The following BCL9 variants were observed in gnomAD, a reference collection of about 807,000 sequenced individuals.
The protein encoded by BCL9 is BCL9 transcription coactivator, also known as B-cell CLL/lymphoma 9 protein.
In BCL9, 25 loss-of-function variants were observed where a neutral mutation model predicts 88.5. That is an observed-to-expected ratio of 0.28 (90% confidence interval 0.21 to 0.39). BCL9 has a LOEUF of 0.39. Among genes scored for constraint, BCL9 ranks in the 10% least tolerant of loss-of-function variants. BCL9 has a pLI of 1.00. For synonymous variants in BCL9, 711 were observed against 673.3 expected (o/e 1.06, Z -0.87); for missense variants, 1,817 against 1,877.8 (o/e 0.97, Z 0.60).
rs587679184 is a variant in BCL9 at position 147,557,800 on chromosome 1, G to C, written c.-478+16126G>C. 7.9e-5 allele frequency among the ~76,000 whole-genome samples: 12 copies of C among 152,304 alleles called. No individual in the cohort carries two copies. The South Asian group carries it at 2.3e-3, about 29-fold the overall frequency. Reference sequence around the variant, plus strand: ...CATTAATTTTCCACATTGGAAATCTGTAGGCTTCTTCCAATTATTAATTAT... The same window carrying C: ...CATTAATTTTCCACATTGGAAATCTCTAGGCTTCTTCCAATTATTAATTAT... On this transcript the variant is annotated intron_variant, in intron 1 of 9. Coordinates refer to ENST00000234739, the MANE Select transcript of BCL9 (RefSeq NM_004326.4).
intron 1 of BCL9, among the ~76,000 whole-genome samples, chr1:147,563,920 T>C (rs1464925939): frequency 1.3e-5 from 2 of 152,216 alleles, no homozygotes; most frequent in Non-Finnish European, 2.9e-5. Flanking sequence ...GTTGAGGAAA[T>C]TGAGACTCAG....
chr1:147,617,923 A>G (rs1315065853), intron 7 of BCL9, among the ~76,000 whole-genome samples: 4 of 152,104 alleles, frequency 2.6e-5, no homozygotes, highest in Non-Finnish European at 5.9e-5. Flanking sequence ...GAACATACAC[A>G]TCTCTCTTCC....
Position 147,622,428 on chromosome 1 carries a change from T to C in BCL9, c.3060T>C (p.Ser1020=). ...GAATGTCCAAGTTTGCAATGCCCAGTTCCACCCCGTTATACCATGATGCTA... is the reference window on the plus strand; with the variant it reads ...GAATGTCCAAGTTTGCAATGCCCAGCTCCACCCCGTTATACCATGATGCTA... The part of the protein sequence containing the change: ...MSRMSKFAMP[S]STPLYHDAIK... Residue 1020 remains serine (S), a synonymous_variant, in exon 9 of 10, where the codon AGT becomes AGC. Coordinates refer to ENST00000234739, the MANE Select transcript of BCL9 (RefSeq NM_004326.4). The C allele has an allele frequency of 6.2e-7, 1 of 1,614,172 alleles. No homozygotes were observed. Among genetic ancestry groups the C allele is most frequent in the Non-Finnish European group, 8.5e-7 (1 of 1,180,032 alleles).
intron 1 of BCL9, among the ~76,000 whole-genome samples, chr1:147,552,758 T>C (rs1654956434): frequency 6.6e-6 from 1 of 152,236 alleles, no homozygotes; most frequent in Admixed American, 6.5e-5. Flanking sequence ...CAGAGTTCTG[T>C]TGAAGGAATC....
At chr1:147,559,679 CA>C (rs1553195840) in intron 1 of BCL9, among the ~76,000 whole-genome samples, 2 of 152,102 alleles carry the variant, frequency 1.3e-5, no homozygotes, top group African/African-American at 4.8e-5. Context: ...CTTTTGACCC[CA>C]AGGAGCCAAA....
At position 147,545,872 on chromosome 1, in the gene BCL9, A is replaced by G. The variant is rs148721646; in HGVS notation, c.-478+4198A>G. On this transcript the variant is annotated intron_variant, in intron 1 of 9. Transcript: ENST00000234739. ...AACAGTATTGTTATCCTTCTGTTAT[A>G]TTTGAGTAAGGTTATGTGACTCACC... Among the ~76,000 whole-genome samples the G allele has an allele frequency of 2.5e-3, 381 of 152,242 alleles. 2 individuals carry two copies. The highest frequency in any genetic ancestry group is 8.4e-3 in the African/African-American group (348 of 41,506).
At chr1:147,546,065 G>C (rs587624489) in intron 1 of BCL9, among the ~76,000 whole-genome samples, 2 of 152,132 alleles carry the variant, frequency 1.3e-5, no homozygotes, top group East Asian at 1.9e-4. Context: ...GGCCAGGCAC[G>C]GTGGCTTAAT....
Position 147,625,876 on chromosome 1 carries a change from C to T in BCL9, c.*917C>T, listed in dbSNP as rs1339800715. The T allele has an allele frequency of 4.7e-5, 11 of 232,760 alleles. No individual in the cohort carries two copies. The highest frequency in any genetic ancestry group is 8.5e-5 in the Non-Finnish European group (10 of 117,560). 14.4% of individuals were successfully genotyped at this position (232,760 alleles called of 1,614,324 possible). ...GCAAAGCCTCGCCTTCCATGCCGAG[C>T]GTCCTCTTGGCTCTGAGAGGGAAAG... On this transcript the variant is annotated 3_prime_UTR_variant, in exon 10 of 10. Coordinates refer to ENST00000234739, the MANE Select transcript of BCL9 (RefSeq NM_004326.4).
At position 147,614,532 on chromosome 1, in the gene BCL9, G is replaced by A. The variant is rs1374062783; in HGVS notation, c.476G>A (p.Gly159Asp). 6.2e-7 allele frequency: 1 copy of A among 1,613,626 alleles called. No homozygotes were observed. Among genetic ancestry groups the A allele is most frequent in the African/African-American group, 1.3e-5 (1 of 74,760 alleles). ...CCCAGGTCTTCTACCCCCTCCCATG[G>A]CCAAACTACTGCCACAGAGCCCACA... ...TAPRSSTPSH[G>D]QTTATEPTPA... Residue 159 changes from glycine to aspartate, a missense_variant, in exon 6 of 10, where the codon GGC (glycine) becomes GAC (aspartate). Coordinates refer to ENST00000234739, the MANE Select transcript of BCL9 (RefSeq NM_004326.4).
At chr1:147,613,412 G>T (rs1553203091) in intron 5 of BCL9, among the ~76,000 whole-genome samples, 4 of 152,184 alleles carry the variant, frequency 2.6e-5, no homozygotes, top group African/African-American at 9.7e-5. Context: ...AGGAGTTCTT[G>T]CCCTTAAGGA....
intron 1 of BCL9, among the ~76,000 whole-genome samples, chr1:147,560,531 C>T (rs951176619): frequency 2.7e-5 from 4 of 150,904 alleles, no homozygotes; most frequent in Admixed American, 6.6e-5. Context: ...CGCTTGAACC[C>T]GAGAGGCGGA....
intron 1 of BCL9, among the ~76,000 whole-genome samples, chr1:147,573,385 G>A (rs922436713): frequency 6.6e-5 from 10 of 152,262 alleles, no homozygotes; most frequent in Middle Eastern, 3.4e-3. Context: ...CCCAGGAGGC[G>A]GAGGTTGCAG....
At chr1:147,549,151 A>G (rs1159621787) in intron 1 of BCL9, among the ~76,000 whole-genome samples, 1 of 151,562 alleles carries the variant, frequency 6.6e-6, no homozygotes, top group Non-Finnish European at 1.5e-5. Flanking sequence ...TAATTTTTGT[A>G]TATTTAGTAG....
At chr1:147,545,392 C>T (rs1210762979) in intron 1 of BCL9, among the ~76,000 whole-genome samples, 3 of 152,148 alleles carry the variant, frequency 2.0e-5, no homozygotes, top group Non-Finnish European at 4.4e-5. Flanking sequence ...TCTGAGTTGG[C>T]ATTGGAAGAG....
At chr1:147,610,900 C>T (rs1553202516) in intron 3 of BCL9, among the ~76,000 whole-genome samples, 2 of 152,174 alleles carry the variant, frequency 1.3e-5, no homozygotes, top group African/African-American at 4.8e-5. Flanking sequence ...ATGGATCATT[C>T]CCATGCTTAC....
intron 1 of BCL9, among the ~76,000 whole-genome samples, chr1:147,560,315 C>T (rs781826862): frequency 6.6e-5 from 10 of 151,952 alleles, no homozygotes; most frequent in Middle Eastern, 3.2e-3. Flanking sequence ...CCAGGCCGGG[C>T]GCGGTGGCTC....
At chr1:147,568,609 T>C (rs1553196996) in intron 1 of BCL9, among the ~76,000 whole-genome samples, 5 of 152,094 alleles carry the variant, frequency 3.3e-5, no homozygotes, top group African/African-American at 1.2e-4. Context: ...AGAAAGGGGT[T>C]AGACAAAATA....
At chr1:147,541,792 G>C (rs1553193836) in intron 1 of BCL9, 118 bp downstream of exon 1, 1 of 152,204 alleles carries the variant, frequency 6.6e-6, no homozygotes, top group African/African-American at 2.4e-5. Context: ...TGGAGCTCCT[G>C]CGTTGCCCCT....
chr1:147,543,009 G>A (rs1301079068), intron 1 of BCL9, among the ~76,000 whole-genome samples: 4 of 152,176 alleles, frequency 2.6e-5, no homozygotes, highest in African/African-American at 9.7e-5. Flanking sequence ...GGCTAAGAAT[G>A]TGAAGGCTGT....
Sources: allele counts gnomAD v4.1 joint callset (sites outside exome capture counted in the v4.1 genomes callset), GRCh38; gene constraint gnomAD v4.1.1; transcripts MANE v1.5; gene names NCBI Gene and HGNC (gene_info 2026-07-23, HGNC 2026-07-21).